SLIT1: variants seen among roughly 807,000 people sequenced by gnomAD.
SLIT1 encodes the protein slit homolog 1 protein.
In SLIT1, 66 loss-of-function variants were observed where a neutral mutation model predicts 186.1. The observed-to-expected ratio is 0.35, with a 90% CI of 0.29 to 0.44. The LOEUF is 0.44. Ranked by LOEUF, SLIT1 falls within the 20% of genes least tolerant of loss-of-function variation. The pLI, the probability that SLIT1 is intolerant of heterozygous loss-of-function variation, is 1.00. For synonymous variants in SLIT1, 761 were observed against 833.8 expected (o/e 0.91, Z 1.50); for missense variants, 1,638 against 2,037.4 (o/e 0.80, Z 3.77).
rs1003031323 is a variant in SLIT1 at position 97,068,319 on chromosome 10, G to A, written c.414-2233C>T. 2.0e-5 allele frequency among the ~76,000 whole-genome samples: 3 copies of A among 151,950 alleles called. No individual in the cohort carries two copies. The highest frequency in any genetic ancestry group is 6.5e-5 in the Admixed American group (1 of 15,276). ...ATCTGCAAGGCACCCTTCCCCTCCCGAGCCCAGTTTCCTCATGTACAAAAT... is the reference window on the plus strand; with the variant it reads ...ATCTGCAAGGCACCCTTCCCCTCCCAAGCCCAGTTTCCTCATGTACAAAAT... On this transcript the variant is annotated intron_variant, in intron 4 of 36. Coordinates refer to ENST00000266058, the MANE Select transcript of SLIT1 (RefSeq NM_003061.3). This position sits in a 1 kb window ranked among gnomAD's most constrained non-coding sequence, Gnocchi z 4.2.
rs758076799 is a variant in SLIT1, at chr10:97,060,744, G to A, written c.837C>T (p.Ser279=). 22 of 1,612,948 alleles carry A rather than the reference G, an allele frequency of 1.4e-5. No homozygotes were observed. Among genetic ancestry groups the A allele is most frequent in the Admixed American group, 1.0e-4 (6 of 59,926 alleles). The change falls in exon 9 of 37, where the codon TCC becomes TCT. Residue 279 remains serine (S), a synonymous_variant. Transcript: ENST00000266058. ...AGRVPTCTLS[S]GSCPAMCTCS... is the part of the protein sequence containing the mutation. ...AGGTGCACATGGCCGGGCAGGAGCC[G>A]GAGGACAGGGTGCAGGTGGGCACGC...
intron 4 of SLIT1, among the ~76,000 whole-genome samples, chr10:97,126,508 C>G (rs545569755): frequency 6.6e-6 from 1 of 152,186 alleles, no homozygotes; most frequent in Non-Finnish European, 1.5e-5. Flanking sequence ...TTCCCAGGAA[C>G]CAGACTTCTT....
chr10:97,151,066 T>C (rs1849872163), intron 4 of SLIT1, among the ~76,000 whole-genome samples: 1 of 151,390 alleles, frequency 6.6e-6, no homozygotes, highest in African/African-American at 2.4e-5. Flanking sequence ...AATCTGCTGA[T>C]AGGTCAGAGG....
chr10:97,151,620 G>T (rs1360080800), intron 4 of SLIT1, among the ~76,000 whole-genome samples: 2 of 152,022 alleles, frequency 1.3e-5, no homozygotes, highest in Non-Finnish European at 2.9e-5. Context: ...GCAGGCTAGG[G>T]GTGGTATGTA....
Position 97,021,633 on chromosome 10 carries a change from G to A in SLIT1, c.2583-220C>T, listed in dbSNP as rs900629312. 1.3e-5 allele frequency among the ~76,000 whole-genome samples: 2 copies of A among 151,314 alleles called. No homozygotes were observed. Among genetic ancestry groups the A allele is most frequent in the Admixed American group, 6.6e-5 (1 of 15,168 alleles). On this transcript the variant is annotated intron_variant, in intron 25 of 36. Coordinates refer to ENST00000266058, the MANE Select transcript of SLIT1 (RefSeq NM_003061.3). The surrounding 1 kb of genome is among the most constrained non-coding windows in gnomAD (Gnocchi z 4.5). The stretch of plus-strand genomic sequence containing the variant: ...GCTGGAGTGCAGTGGCGTAATATCA[G>A]CTCACTGCAACCTCTGCCTCCCAGG...
chr10:97,056,411 A>G lies in SLIT1; in HGVS notation c.1211T>C (p.Leu404Pro). Residue 404 changes from leucine (L) to proline (P), a missense_variant, in exon 13 of 37, where the codon CTG becomes CCG. Leu to Pro is a moderately conservative substitution (Grantham distance 98, BLOSUM62 -3). This residue lies in a region of SLIT1 where 1,245 missense variants were observed against 1,535.3 expected (regional missense o/e 0.81). Transcript: ENST00000266058. The stretch of plus-strand genomic sequence containing the variant: ...CAGGGAGAGCAGTGAGAGGTTCTGC[A>G]GGTCCTGGAAGGCATCGGGCCGGAT... ...NCIRPDAFQD[L>P]QNLSLLSLYD... The G allele has an allele frequency of 6.2e-7, 1 of 1,614,174 alleles. No homozygotes were observed. The highest frequency in any genetic ancestry group is 8.5e-7 in the Non-Finnish European group (1 of 1,179,996).
chr10:97,174,098 C>T (rs529868936), intron 1 of SLIT1, among the ~76,000 whole-genome samples: 15 of 152,316 alleles, frequency 9.8e-5, no homozygotes, highest in Admixed American at 8.5e-4. Flanking sequence ...GGCCTCCAGT[C>T]AAACGCCCTC....
intron 21 of SLIT1, among the ~76,000 whole-genome samples, chr10:97,039,626 T>C (rs1848672774): frequency 6.6e-6 from 1 of 152,252 alleles, no homozygotes; most frequent in Admixed American, 6.5e-5. Flanking sequence ...TAGATTCATG[T>C]GAAGAACACT....
intron 1 of SLIT1, among the ~76,000 whole-genome samples, chr10:97,173,221 G>C (rs901108114): frequency 1.3e-5 from 2 of 152,232 alleles, no homozygotes; most frequent in Non-Finnish European, 2.9e-5. Flanking sequence ...CTCAGGGCCG[G>C]TCTCAGGCTT....
intron 25 of SLIT1, among the ~76,000 whole-genome samples, chr10:97,025,487 G>A (rs1848537200): frequency 6.6e-6 from 1 of 152,104 alleles, no homozygotes; most frequent in African/African-American, 2.4e-5. Flanking sequence ...CGGGGCTGAG[G>A]ACTGCCTTGC....
At chr10:97,141,118 TC>T (rs571101600) in intron 4 of SLIT1, among the ~76,000 whole-genome samples, 26 of 152,218 alleles carry the variant, frequency 1.7e-4, no homozygotes, top group Non-Finnish European at 3.7e-4. Context: ...AGACCCTGGC[TC>T]CCGACGACAG....
intron 30 of SLIT1, 75 bp from the exon 31 acceptor site, chr10:97,011,205 A>T: frequency 2.0e-6 from 2 of 1,013,080 alleles, no homozygotes; most frequent in Middle Eastern, 2.3e-4. Context: ...CGCACCAGGG[A>T]TCCCCCACAC....
intron 1 of SLIT1, among the ~76,000 whole-genome samples, chr10:97,180,112 C>T (rs1850314823): frequency 6.6e-6 from 1 of 152,192 alleles, no homozygotes; most frequent in African/African-American, 2.4e-5. Flanking sequence ...GGAAGATCAG[C>T]CCCTCCCCTT....
At position 97,010,905 on chromosome 10, in the gene SLIT1, C is replaced by G. The variant is rs563509085; in HGVS notation, c.3341+88G>C. On this transcript the variant is annotated intron_variant, in intron 31 of 36. Transcript: ENST00000266058. The surrounding 1 kb of genome is among the most constrained non-coding windows in gnomAD (Gnocchi z 4.8). ...AACTTCCAGGCTCTGACCCACACCC[C>G]TTTCCTTCGCCATGGCTGGAGGCTC... 2 of 1,341,500 alleles carry G rather than the reference C, an allele frequency of 1.5e-6. No homozygotes were observed. The highest frequency in any genetic ancestry group is 1.4e-5 in the South Asian group (1 of 73,416). 83.1% of individuals were successfully genotyped at this position (1,341,500 alleles called of 1,614,324 possible). A position where few individuals can be genotyped will look rare whatever the true frequency, so the allele number is the denominator to read the frequency against.
intron 8 of SLIT1, among the ~76,000 whole-genome samples, chr10:97,063,012 G>T (rs1385723836): frequency 6.6e-6 from 1 of 152,212 alleles, no homozygotes; most frequent in East Asian, 1.9e-4. Flanking sequence ...CAGCAGAGGT[G>T]AGGCGATTGG....
intron 3 of SLIT1, among the ~76,000 whole-genome samples, chr10:97,162,577 C>T (rs1589417043): frequency 6.6e-6 from 1 of 152,304 alleles, no homozygotes; most frequent in East Asian, 1.9e-4. Context: ...CACGCCACTG[C>T]ACTCCAGCCT....
At chr10:97,023,909 TC>T (rs1848522764) in intron 25 of SLIT1, among the ~76,000 whole-genome samples, 1 of 150,664 alleles carries the variant, frequency 6.6e-6, no homozygotes, top group Non-Finnish European at 1.5e-5. Flanking sequence ...GCTATGGCAC[TC>T]CAGCCTGGGC....
chr10:97,156,253 C>T (rs1353915691), intron 4 of SLIT1, among the ~76,000 whole-genome samples: 2 of 152,108 alleles, frequency 1.3e-5, no homozygotes, highest in African/African-American at 2.4e-5. Flanking sequence ...AAGACCATTC[C>T]AACAGACTGA....
rs773373190 is a variant in SLIT1, at chr10:97,002,917, A to G, written c.3941T>C (p.Ile1314Thr). 6.2e-7 allele frequency: 1 copy of G among 1,614,208 alleles called. No homozygotes were observed. Among genetic ancestry groups the G allele is most frequent in the African/African-American group, 1.3e-5 (1 of 75,064 alleles). Residue 1314 changes from isoleucine (I) to threonine (T), a missense_variant, in exon 35 of 37, where the codon ATC (isoleucine) becomes ACC (threonine). Ile to Thr is a moderately conservative substitution (Grantham distance 89, BLOSUM62 -1). This residue lies in a region of SLIT1 where 173 missense variants were observed against 290.9 expected (regional missense o/e 0.59). Coordinates refer to ENST00000266058, the MANE Select transcript of SLIT1 (RefSeq NM_003061.3). The part of the protein sequence containing the change: ...ILNGTGFHGC[I>T]RNLYINNELQ... ...CTCGTTGTTGATGTACAGGTTTCGG[A>G]TGCAACCGTGGAAGCCGGTGCCGTT...
Sources: allele counts gnomAD v4.1 joint callset (sites outside exome capture counted in the v4.1 genomes callset), GRCh38; gene constraint gnomAD v4.1.1; regional missense constraint gnomAD v4.1.1; non-coding constraint Gnocchi (gnomAD v3.1); transcripts MANE v1.5; gene names NCBI Gene and HGNC (gene_info 2026-07-23, HGNC 2026-07-21).